The following ALDH1A2 variants were observed in gnomAD, a reference collection of about 807,000 sequenced individuals.
ALDH1A2 encodes aldehyde dehydrogenase 1 family member A2.
A neutral mutation model predicts 60.3 loss-of-function variants in ALDH1A2; 27 were observed. That is an observed-to-expected ratio of 0.45 (90% CI 0.33 to 0.62). The LOEUF (loss-of-function observed/expected upper bound fraction) is 0.62. ALDH1A2 is among the 20% of genes least tolerant of loss of function. ALDH1A2 has a pLI of 0.02. For missense variants in ALDH1A2, 581 were observed against 643.8 expected, an observed-to-expected ratio of 0.90 and a Z score of 1.06; for synonymous variants, 289 against 232.4, an observed-to-expected ratio of 1.24 and a Z score of -2.21.
At chr15:58,025,217 A>G (rs1896046661) in intron 1 of ALDH1A2, among the ~76,000 whole-genome samples, 2 of 152,188 alleles carry the variant, frequency 1.3e-5, no homozygotes, top group Non-Finnish European at 1.5e-5. Flanking sequence ...GAGACTAAAA[A>G]GAATACAACA....
rs1310483983 is a variant in ALDH1A2 at position 57,981,857 on chromosome 15, A to G, written c.798+10848T>C. Among the ~76,000 whole-genome samples, 3 of 152,236 alleles carry G rather than the reference A, an allele frequency of 2.0e-5. No homozygotes were observed. In the East Asian group the frequency reaches 5.8e-4, roughly 29 times the overall value. On this transcript the variant is annotated intron_variant, in intron 7 of 12. Transcript: ENST00000249750. ...TTTTCTTAGTCCATTCAGTTTAGCT[A>G]TAATGTCCCAGACTGGATACCTAAT... is the stretch of plus-strand genomic sequence containing the variant.
At chr15:58,019,683 GTGAAGGACTAACTGTCCAC>G (rs1895871729) in intron 1 of ALDH1A2, among the ~76,000 whole-genome samples, 1 of 152,186 alleles carries the variant, frequency 6.6e-6, no homozygotes, top group Admixed American at 6.5e-5. Context: ...CATTGTGGTT[GTGAAGGACTAACTGTCCAC>G]TGACATATTA....
At chr15:58,054,510 G>A (rs535024172) in intron 1 of ALDH1A2, among the ~76,000 whole-genome samples, 19 of 151,996 alleles carry the variant, frequency 1.3e-4, no homozygotes, top group Non-Finnish European at 2.8e-4. Flanking sequence ...GGTAACAGAG[G>A]GATCTGATAG....
intron 1 of ALDH1A2, among the ~76,000 whole-genome samples, chr15:58,057,029 T>C (rs1222201391): frequency 6.6e-6 from 1 of 152,084 alleles, no homozygotes; most frequent in Non-Finnish European, 1.5e-5. Context: ...AATTAAGTTG[T>C]AGATACATAT....
intron 1 of ALDH1A2, among the ~76,000 whole-genome samples, chr15:58,061,007 G>A (rs7169439): frequency 0.091 from 13,785 of 152,164 alleles, 922 homozygotes; most frequent in Non-Finnish European, 0.13. Context: ...CTGGCTATGA[G>A]GAAGTCAGAC....
In ALDH1A2 at chr15:57,955,021, A is replaced by G; in HGVS notation, c.*176T>C. The stretch of plus-strand genomic sequence containing the variant: ...GTGGCCCCTTACAGAGTGCCAAGAA[A>G]CTGTACCCAGCTGGTTTGCTTTAGT... On this transcript the variant is annotated 3_prime_UTR_variant, in exon 13 of 13. Transcript: ENST00000249750. 5.5e-6 allele frequency: 4 copies of G among 728,458 alleles called. No homozygotes were observed. The highest frequency in any genetic ancestry group is 3.1e-5 in the South Asian group (2 of 64,948). The allele number at this position is 728,458 out of a possible 1,614,324, so 45.1% of individuals were successfully genotyped here.
chr15:57,967,774 C>T (rs1227073619), intron 7 of ALDH1A2, among the ~76,000 whole-genome samples: 1 of 152,194 alleles, frequency 6.6e-6, no homozygotes, highest in Admixed American at 6.5e-5. Flanking sequence ...TGTGGCCAAC[C>T]TGCCAGACTG....
chr15:58,018,965 G>A (rs1895851874), intron 1 of ALDH1A2, among the ~76,000 whole-genome samples: 1 of 152,094 alleles, frequency 6.6e-6, no homozygotes, highest in South Asian at 2.1e-4. Context: ...ATATTATTGG[G>A]ACAATTGGTG....
At chr15:58,013,501 T>C (rs1205575097) in intron 3 of ALDH1A2, among the ~76,000 whole-genome samples, 2 of 152,192 alleles carry the variant, frequency 1.3e-5, no homozygotes, top group African/African-American at 4.8e-5. Flanking sequence ...TATTACCTAT[T>C]CCTTTGCTTT....
chr15:57,969,919 T>C (rs1401904123), intron 7 of ALDH1A2, among the ~76,000 whole-genome samples: 6 of 152,196 alleles, frequency 3.9e-5, no homozygotes, highest in Non-Finnish European at 8.8e-5. Flanking sequence ...GAAGACCTGG[T>C]ACTACAAACT....
intron 1 of ALDH1A2, among the ~76,000 whole-genome samples, chr15:58,045,521 A>T (rs1896616660): frequency 6.6e-6 from 1 of 152,130 alleles, no homozygotes; most frequent in Non-Finnish European, 1.5e-5. Flanking sequence ...TAGACTGGAT[A>T]AAGAAAATGT....
At chr15:57,998,008 A>T (rs1388968024) in intron 4 of ALDH1A2, among the ~76,000 whole-genome samples, 3 of 152,044 alleles carry the variant, frequency 2.0e-5, no homozygotes, top group Non-Finnish European at 4.4e-5. Flanking sequence ...CTTCAGGTTA[A>T]AAACTCTCAA....
intron 1 of ALDH1A2, among the ~76,000 whole-genome samples, chr15:58,022,788 A>G (rs541832940): frequency 8.5e-5 from 13 of 152,294 alleles, no homozygotes; most frequent in Non-Finnish European, 4.4e-5. Flanking sequence ...AGACTACACC[A>G]CTGCATCCAC....
chr15:58,031,635 C>T (rs1896243042), intron 1 of ALDH1A2, among the ~76,000 whole-genome samples: 1 of 152,080 alleles, frequency 6.6e-6, no homozygotes, highest in Admixed American at 6.6e-5. Context: ...GGCTAATATC[C>T]AGAATCTACA....
At chr15:58,016,135 T>TA (rs1204948186) in intron 1 of ALDH1A2, among the ~76,000 whole-genome samples, 1 of 147,924 alleles carries the variant, frequency 6.8e-6, no homozygotes, top group African/African-American at 2.5e-5. Flanking sequence ...CCACTGATCC[T>TA]AATTTTTTTT....
At chr15:57,985,275 C>A (rs372379188) in intron 7 of ALDH1A2, among the ~76,000 whole-genome samples, 1 of 152,136 alleles carries the variant, frequency 6.6e-6, no homozygotes, top group African/African-American at 2.4e-5. Context: ...TAACACTGCC[C>A]TTTCTTCCCA....
chr15:58,032,297 T>G (rs574841960), intron 1 of ALDH1A2, among the ~76,000 whole-genome samples: 43 of 151,972 alleles, frequency 2.8e-4, no homozygotes, highest in Middle Eastern at 3.4e-3. Flanking sequence ...TAGGTGGGAA[T>G]TGAACAATGA....
intron 1 of ALDH1A2, among the ~76,000 whole-genome samples, chr15:58,064,608 G>GA (rs1170833649): frequency 4.6e-5 from 7 of 152,174 alleles, no homozygotes; most frequent in Admixed American, 1.3e-4. Flanking sequence ...GAAAGGACTA[G>GA]AAAATCAAAC....
intron 1 of ALDH1A2, among the ~76,000 whole-genome samples, chr15:58,029,545 A>C (rs1397795317): frequency 4.6e-5 from 7 of 151,468 alleles, no homozygotes; most frequent in African/African-American, 1.7e-4. Flanking sequence ...AACTAAGATG[A>C]GAGCAGAACT....
Sources: gnomAD v4.1 joint callset for allele counts (sites outside exome capture counted in the v4.1 genomes callset) on GRCh38, gnomAD v4.1.1 for gene constraint, MANE v1.5 for transcripts, NCBI Gene and HGNC (gene_info 2026-07-23, HGNC 2026-07-21) for gene names.